Variants in PAMR1 observed in about 807,000 individuals in gnomAD.
PAMR1 encodes the protein inactive serine protease PAMR1.
A neutral mutation model predicts 81.8 loss-of-function variants in PAMR1; 88 were observed. That is an observed-to-expected ratio of 1.08 (90% CI 0.91 to 1.28). The LOEUF (loss-of-function observed/expected upper bound fraction) is 1.28. Among genes scored for constraint, PAMR1 ranks in the 50% most tolerant of loss-of-function variants. PAMR1 has a pLI of 0.00. For missense variants in PAMR1, 935 were observed against 919.7 expected, an observed-to-expected ratio of 1.02 and a Z score of -0.21; for synonymous variants, 336 against 345.3, an observed-to-expected ratio of 0.97 and a Z score of 0.30.
intron 1 of PAMR1, among the ~76,000 whole-genome samples, chr11:35,521,256 AAAAGTCTGATGT>A (rs1379620927): frequency 8.5e-5 from 13 of 152,218 alleles, no homozygotes; most frequent in Non-Finnish European, 1.9e-4. Flanking sequence ...AGACACTGAT[AAAAGTCTGATGT>A]ACCAGATGCT....
chr11:35,445,058 C>T (rs1451097163), intron 6 of PAMR1, among the ~76,000 whole-genome samples: 2 of 152,134 alleles, frequency 1.3e-5, no homozygotes, highest in Non-Finnish European at 2.9e-5. Context: ...TCTTTCACTT[C>T]CCTTGTTAGC....
chr11:35,459,019 C>A (rs532485796), intron 6 of PAMR1, among the ~76,000 whole-genome samples: 27 of 152,298 alleles, frequency 1.8e-4, no homozygotes, highest in Middle Eastern at 6.8e-3. Context: ...TGGAATTCTT[C>A]CCCCCTGATG....
chr11:35,447,593 A>C (rs987756896), intron 6 of PAMR1, among the ~76,000 whole-genome samples: 3 of 152,140 alleles, frequency 2.0e-5, no homozygotes, highest in Admixed American at 1.3e-4. Flanking sequence ...TTCACTCTTT[A>C]TCCAGCTTGC....
At chr11:35,480,207 A>G (rs1385235997) in intron 3 of PAMR1, among the ~76,000 whole-genome samples, 1 of 152,216 alleles carries the variant, frequency 6.6e-6, no homozygotes, top group Non-Finnish European at 1.5e-5. Flanking sequence ...TTCTGTCCAA[A>G]CAAACCATTT....
upstream of PAMR1, among the ~76,000 whole-genome samples, chr11:35,528,019 C>T (rs1234395239): frequency 6.6e-6 from 1 of 152,066 alleles, no homozygotes; most frequent in Non-Finnish European, 1.5e-5. Flanking sequence ...CAGCCCCCAC[C>T]ACACACACCT....
At chr11:35,460,928 A>G (rs1163208805) in intron 6 of PAMR1, among the ~76,000 whole-genome samples, 1 of 152,208 alleles carries the variant, frequency 6.6e-6, no homozygotes, top group African/African-American at 2.4e-5. Context: ...CAGTCCCACC[A>G]ACAGTGTAAA....
At chr11:35,482,773 A>G (rs376312775) in intron 3 of PAMR1, among the ~76,000 whole-genome samples, 4 of 151,956 alleles carry the variant, frequency 2.6e-5, no homozygotes, top group Admixed American at 1.3e-4. Context: ...CTGTATTCCT[A>G]GGTGTTTTGT....
At chr11:35,477,715 T>C (rs910415533) in intron 3 of PAMR1, among the ~76,000 whole-genome samples, 1 of 152,198 alleles carries the variant, frequency 6.6e-6, no homozygotes, top group African/African-American at 2.4e-5. Context: ...AGAGCAGAGA[T>C]ATGACCTTGG....
chr11:35,438,744 C>G (rs1367625356), intron 8 of PAMR1, among the ~76,000 whole-genome samples: 2 of 152,086 alleles, frequency 1.3e-5, no homozygotes, highest in Non-Finnish European at 2.9e-5. Context: ...TGTAAGACAA[C>G]AGGTGGAGAG....
At chr11:35,484,586 G>A (rs750165851) in intron 3 of PAMR1, among the ~76,000 whole-genome samples, 2 of 152,158 alleles carry the variant, frequency 1.3e-5, no homozygotes, top group Admixed American at 6.5e-5. Context: ...CTTCCTCTCC[G>A]ATAACTCACC....
intron 3 of PAMR1, among the ~76,000 whole-genome samples, chr11:35,490,625 G>A (rs1850604640): frequency 6.6e-6 from 1 of 152,166 alleles, no homozygotes; most frequent in Non-Finnish European, 1.5e-5. Flanking sequence ...CATCTCGGAA[G>A]AAAGGAAAAT....
chr11:35,495,300 AT>A (rs1182231941), intron 1 of PAMR1, among the ~76,000 whole-genome samples: 6 of 152,140 alleles, frequency 3.9e-5, no homozygotes, highest in African/African-American at 1.4e-4. Flanking sequence ...GCCCAACTTC[AT>A]TCAGGCGCCA....
chr11:35,520,970 T>C (rs1851260994), intron 1 of PAMR1, among the ~76,000 whole-genome samples: 3 of 152,318 alleles, frequency 2.0e-5, no homozygotes, highest in African/African-American at 7.2e-5. Flanking sequence ...TCAAATCCAT[T>C]GTCCATGCCA....
chr11:35,518,569 T>A (rs1221406276), intron 1 of PAMR1, among the ~76,000 whole-genome samples: 1 of 147,004 alleles, frequency 6.8e-6, no homozygotes, highest in African/African-American at 2.5e-5. Context: ...GGCTCTGTGG[T>A]CAAACAACTT....
At chr11:35,441,905 A>C (rs1856179192) in intron 6 of PAMR1, among the ~76,000 whole-genome samples, 1 of 152,190 alleles carries the variant, frequency 6.6e-6, no homozygotes, top group Admixed American at 6.5e-5. Flanking sequence ...GAAAAATCTC[A>C]TTCTATATAT....
intron 1 of PAMR1, among the ~76,000 whole-genome samples, chr11:35,499,944 A>C (rs1302653089): frequency 6.6e-6 from 1 of 152,220 alleles, no homozygotes; most frequent in Non-Finnish European, 1.5e-5. Flanking sequence ...CAGGATGGTC[A>C]GAGTCAGAAA....
chr11:35,435,085 G>A (rs2135333780), intron 9 of PAMR1, among the ~76,000 whole-genome samples: 1 of 152,272 alleles, frequency 6.6e-6, no homozygotes, highest in South Asian at 2.1e-4. Flanking sequence ...ATCTTTTAGA[G>A]CCTCTGTCTT....
At chr11:35,445,886 T>C (rs938706532) in intron 6 of PAMR1, among the ~76,000 whole-genome samples, 18 of 152,218 alleles carry the variant, frequency 1.2e-4, no homozygotes, top group African/African-American at 4.3e-4. Context: ...TCCATTGTTT[T>C]GAATAGTTTC....
chr11:35,517,179 C>G (rs1450274778), intron 1 of PAMR1, among the ~76,000 whole-genome samples: 3 of 152,194 alleles, frequency 2.0e-5, no homozygotes, highest in Non-Finnish European at 2.9e-5. Flanking sequence ...TCCAAGACCA[C>G]TCACATTACT....
Sources: allele counts gnomAD v4.1 joint callset (sites outside exome capture counted in the v4.1 genomes callset), GRCh38; gene constraint gnomAD v4.1.1; transcripts MANE v1.5; gene names NCBI Gene and HGNC (gene_info 2026-07-23, HGNC 2026-07-21).